ERC2: variants seen among roughly 807,000 people sequenced by gnomAD.
ERC2 encodes the protein ERC protein 2.
A neutral mutation model predicts 114.8 loss-of-function variants in ERC2; 42 were observed. The ratio of observed to expected loss-of-function variants is 0.37; its 90% CI spans 0.29 to 0.47. The LOEUF (loss-of-function observed/expected upper bound fraction) is 0.47, where lower values mean the gene tolerates loss of function less well. Ranked by LOEUF, ERC2 falls within the 20% of genes least tolerant of loss-of-function variation. The probability of loss-of-function intolerance (pLI) is 0.99; values close to 1 mark genes in which losing one functional copy is unlikely to be tolerated. For synonymous variants in ERC2, 454 were observed against 425.5 expected (o/e 1.07, Z -0.82); for missense variants, 939 against 1,150.7 (o/e 0.82, Z 2.66).
At chr3:56,418,123 C>G (rs1257648546) in intron 2 of ERC2, among the ~76,000 whole-genome samples, 1 of 150,126 alleles carries the variant, frequency 6.7e-6, no homozygotes, top group South Asian at 2.1e-4. Flanking sequence ...CCTGTCTCTA[C>G]AAAAAAAAAT....
rs1227409574 is a variant in ERC2, at chr3:55,683,868, G to A, written c.2848-9C>T. 7.4e-6 allele frequency: 12 copies of A among 1,611,914 alleles called. No individual in the cohort carries two copies. The highest frequency in any genetic ancestry group is 1.7e-5 in the Admixed American group (1 of 59,748). On this transcript the variant is annotated splice_polypyrimidine_tract_variant and intron_variant, in intron 16 of 17. Transcript: ENST00000288221. ...ATGCCCTCCTCGTCATCCTGCGGCC[G>A]GCCCGAGGTGGGGAGGTGCACAGAG...
intron 3 of ERC2, among the ~76,000 whole-genome samples, chr3:56,283,561 C>T (rs2054489846): frequency 6.6e-6 from 1 of 152,106 alleles, no homozygotes; most frequent in Non-Finnish European, 1.5e-5. Flanking sequence ...GACAAAGGCC[C>T]CCTCCACCCT....
chr3:55,835,431 T>G (rs2060829568), intron 14 of ERC2, among the ~76,000 whole-genome samples: 1 of 152,230 alleles, frequency 6.6e-6, no homozygotes, highest in Non-Finnish European at 1.5e-5. Flanking sequence ...ATTCCTGGGA[T>G]GCAAGGCTGG....
intron 1 of ERC2, among the ~76,000 whole-genome samples, chr3:56,448,282 C>G (rs1022337207): frequency 6.6e-6 from 1 of 152,218 alleles, no homozygotes; most frequent in African/African-American, 2.4e-5. Context: ...TGCTAACACT[C>G]TTAGAGCCCA....
At chr3:55,750,372 T>C (rs1026747940) in intron 14 of ERC2, among the ~76,000 whole-genome samples, 1 of 152,160 alleles carries the variant, frequency 6.6e-6, no homozygotes, top group Non-Finnish European at 1.5e-5. Flanking sequence ...CCTTGTAAAG[T>C]TGAGTAAACT....
At chr3:55,723,419 C>A (rs1016528327) in intron 15 of ERC2, among the ~76,000 whole-genome samples, 1 of 151,772 alleles carries the variant, frequency 6.6e-6, no homozygotes, top group African/African-American at 2.4e-5. Flanking sequence ...AGCTCATTTA[C>A]ATAGAAAGAA....
rs560503255 is a variant in ERC2 at position 55,995,962 on chromosome 3, TAAC to T, written c.2062-3715_2062-3713del. Reference sequence around the variant, plus strand: ...TAGGCAATATTCTCGCCTTTTCAAATAACAACATGAGTTCTTTAATCTGACTAG... The same window carrying T: ...TAGGCAATATTCTCGCCTTTTCAAATAACATGAGTTCTTTAATCTGACTAG... On this transcript the variant is annotated intron_variant, in intron 10 of 17. Coordinates refer to ENST00000288221, the MANE Select transcript of ERC2 (RefSeq NM_015576.3). 2.7e-4 allele frequency among the ~76,000 whole-genome samples: 41 copies of T among 152,310 alleles called. No individual in the cohort carries two copies. In the East Asian group the frequency reaches 7.1e-3, roughly 27 times the overall value.
At chr3:55,869,631 A>G (rs368505125) in intron 14 of ERC2, among the ~76,000 whole-genome samples, 3 of 152,230 alleles carry the variant, frequency 2.0e-5, no homozygotes, top group East Asian at 3.9e-4. Context: ...CCATCTGGAA[A>G]GCCCCATGAT....
At chr3:56,424,810 C>T (rs1275056225) in intron 2 of ERC2, among the ~76,000 whole-genome samples, 2 of 152,002 alleles carry the variant, frequency 1.3e-5, no homozygotes, top group Non-Finnish European at 2.9e-5. Flanking sequence ...ATTTTTTTGT[C>T]CTTCTGAGAT....
At chr3:56,317,966 A>G (rs1263840712) in intron 2 of ERC2, among the ~76,000 whole-genome samples, 1 of 152,140 alleles carries the variant, frequency 6.6e-6, no homozygotes, top group Admixed American at 6.5e-5. Context: ...ACTTCCCCAC[A>G]TTTGTCACAA....
chr3:55,595,641 T>C (rs976587750), intron 17 of ERC2, among the ~76,000 whole-genome samples: 4 of 152,230 alleles, frequency 2.6e-5, no homozygotes, highest in Non-Finnish European at 5.9e-5. Flanking sequence ...AGCCAGGATC[T>C]AATGAAAATG....
intron 14 of ERC2, among the ~76,000 whole-genome samples, chr3:55,861,397 G>C (rs1430914147): frequency 6.6e-6 from 1 of 152,186 alleles, no homozygotes; most frequent in African/African-American, 2.4e-5. Flanking sequence ...TAGCAGAAAT[G>C]CTCCTTAGAA....
chr3:55,762,579 C>G (rs1450511373), intron 14 of ERC2, among the ~76,000 whole-genome samples: 1 of 152,004 alleles, frequency 6.6e-6, no homozygotes, highest in Non-Finnish European at 1.5e-5. Flanking sequence ...ATATTGTAAG[C>G]TAGTTAGTTG....
At chr3:55,808,316 CTAT>C (rs1243019638) in intron 14 of ERC2, among the ~76,000 whole-genome samples, 1 of 152,130 alleles carries the variant, frequency 6.6e-6, no homozygotes, top group African/African-American at 2.4e-5. Context: ...TCTGGTTTGC[CTAT>C]GGCTGTTTTT....
At chr3:56,036,928 A>G (rs1380315018) in intron 7 of ERC2, among the ~76,000 whole-genome samples, 2 of 152,146 alleles carry the variant, frequency 1.3e-5, no homozygotes, top group African/African-American at 2.4e-5. Context: ...GCCACAGCAA[A>G]CCATAGCAGC....
intron 2 of ERC2, among the ~76,000 whole-genome samples, chr3:56,415,867 A>T (rs910859914): frequency 6.6e-6 from 1 of 152,150 alleles, no homozygotes; most frequent in Admixed American, 6.5e-5. Context: ...CAACACAAAT[A>T]CTTTTGCCTG....
intron 2 of ERC2, among the ~76,000 whole-genome samples, chr3:56,365,226 A>T (rs999458051): frequency 1.3e-5 from 2 of 152,218 alleles, no homozygotes; most frequent in African/African-American, 4.8e-5. Flanking sequence ...ATATAAGACA[A>T]TGGTCTCATC....
chr3:55,601,096 T>C (rs538300162), intron 17 of ERC2, among the ~76,000 whole-genome samples: 8 of 152,310 alleles, frequency 5.3e-5, no homozygotes, highest in Admixed American at 3.3e-4. Flanking sequence ...GAAGGCCACA[T>C]TGGTGACCAG....
chr3:55,570,901 G>A (rs954930328), intron 17 of ERC2, among the ~76,000 whole-genome samples: 3 of 152,080 alleles, frequency 2.0e-5, no homozygotes, highest in Non-Finnish European at 4.4e-5. Flanking sequence ...GCTGAGGCGG[G>A]CGGATCACGA....
Sources: gnomAD v4.1 joint callset for allele counts (sites outside exome capture counted in the v4.1 genomes callset) on GRCh38, gnomAD v4.1.1 for gene constraint, MANE v1.5 for transcripts, NCBI Gene and HGNC (gene_info 2026-07-23, HGNC 2026-07-21) for gene names.